FMNL2: variants seen among roughly 807,000 people sequenced by gnomAD.
The protein encoded by FMNL2 is formin-like protein 2.
FMNL2 carries 51 observed loss-of-function variants against 130.2 expected under a neutral mutation model. The observed-to-expected ratio is 0.39, with a 90% CI of 0.31 to 0.49. The LOEUF is 0.49. Ranked by LOEUF, FMNL2 falls within the 20% of genes least tolerant of loss-of-function variation. The pLI, the probability that FMNL2 is intolerant of heterozygous loss-of-function variation, is 0.85. For missense variants in FMNL2, 977 were observed against 1,316.2 expected (o/e 0.74, Z 3.99); for synonymous variants, 465 against 467.1 (o/e 1.00, Z 0.06).
chr2:152,627,204 C>T (rs557239197), intron 17 of FMNL2, among the ~76,000 whole-genome samples: 1 of 152,270 alleles, frequency 6.6e-6, no homozygotes, highest in South Asian at 2.1e-4. Flanking sequence ...ATGCCAGATG[C>T]AAATATGATA....
At chr2:152,417,119 T>C (rs1486192060) in intron 1 of FMNL2, among the ~76,000 whole-genome samples, 3 of 152,226 alleles carry the variant, frequency 2.0e-5, no homozygotes, top group African/African-American at 4.8e-5. Flanking sequence ...CTAGTCTCAT[T>C]AGGGAACACG....
chr2:152,487,986 C>T (rs1690930615), intron 1 of FMNL2, among the ~76,000 whole-genome samples: 1 of 152,074 alleles, frequency 6.6e-6, no homozygotes, highest in East Asian at 1.9e-4. Flanking sequence ...CGGGGTTTCA[C>T]CATGGCTGGT....
intron 16 of FMNL2, 75 bp from the exon 17 acceptor site, chr2:152,626,450 G>T: frequency 7.8e-7 from 1 of 1,287,920 alleles, no homozygotes; most frequent in Non-Finnish European, 1.1e-6. Context: ...TTTTGCTTAA[G>T]AAACTAACTG....
intron 1 of FMNL2, among the ~76,000 whole-genome samples, chr2:152,488,016 G>A (rs371565706): frequency 4.6e-5 from 7 of 152,234 alleles, no homozygotes; most frequent in African/African-American, 1.4e-4. Context: ...CTGACCTCAA[G>A]TGATACGCCC....
chr2:152,545,371 G>A (rs573900035), intron 3 of FMNL2, among the ~76,000 whole-genome samples: 9 of 152,026 alleles, frequency 5.9e-5, no homozygotes, highest in Admixed American at 2.0e-4. Flanking sequence ...TACTTGATTC[G>A]TTAATCTTTT....
At chr2:152,402,030 C>T (rs1371381688) in intron 1 of FMNL2, among the ~76,000 whole-genome samples, 1 of 151,462 alleles carries the variant, frequency 6.6e-6, no homozygotes, top group East Asian at 1.9e-4. Context: ...GCCTCAGCCT[C>T]CTGAGTAGCT....
At chr2:152,375,877 C>CTCTCTCTCTCTATATATA (rs796954245) in intron 1 of FMNL2, among the ~76,000 whole-genome samples, 75 of 112,466 alleles carry the variant, frequency 6.7e-4, no homozygotes, top group East Asian at 5.5e-3. Flanking sequence ...CTCTCTCTCT[C>CTCTCTCTCTCTATATATA]TATATATATA....
chr2:152,498,201 C>A (rs1260434495), intron 1 of FMNL2, among the ~76,000 whole-genome samples: 1 of 152,102 alleles, frequency 6.6e-6, no homozygotes, highest in Non-Finnish European at 1.5e-5. Context: ...CCCCAGAAAG[C>A]AGGAATCTTG....
At chr2:152,465,123 GAACTAC>G (rs1487896482) in intron 1 of FMNL2, among the ~76,000 whole-genome samples, 1 of 152,222 alleles carries the variant, frequency 6.6e-6, no homozygotes, top group African/African-American at 2.4e-5. Context: ...CGCAAGTAGT[GAACTAC>G]CAGCAAAGTC....
chr2:152,522,134 C>T, intron 2 of FMNL2, 108 bp downstream of exon 2: 1 of 909,576 alleles, frequency 1.1e-6, no homozygotes, highest in Non-Finnish European at 1.7e-6. Context: ...ATATTTGCTT[C>T]TGCGACAGAG....
intron 1 of FMNL2, among the ~76,000 whole-genome samples, chr2:152,453,167 A>G (rs1158556345): frequency 1.5e-5 from 2 of 131,982 alleles, no homozygotes; most frequent in East Asian, 2.7e-4. Context: ...GCACCAGTAC[A>G]CTCCAGCCAG....
At position 152,578,898 on chromosome 2, in the gene FMNL2, A is replaced by T; in HGVS notation, c.716A>T (p.Asn239Ile). ...CCATGTTAATTTTAGTATGGTTTCA[A>T]CATGGTCATGTCTCATCCACACGCT... The part of the protein sequence containing the change: ...RAIMNYQYGF[N>I]MVMSHPHAVN... Residue 239 changes from asparagine (N) to isoleucine (I), a missense_variant, in exon 8 of 26, where the codon AAC (asparagine) becomes ATC (isoleucine). By Grantham distance (149) the Asn-to-Ile change is moderately radical. Around this residue, in one of 4 missense-constraint regions of FMNL2, gnomAD observed 689 missense variants for 995.9 expected, o/e 0.69. Coordinates refer to ENST00000288670, the MANE Select transcript of FMNL2 (RefSeq NM_052905.4). The T allele has an allele frequency of 6.2e-7, 1 of 1,612,346 alleles. No individual in the cohort carries two copies. The highest frequency in any genetic ancestry group is 8.5e-7 in the Non-Finnish European group (1 of 1,179,180).
Position 152,647,781 on chromosome 2 carries a change from C to A in FMNL2, c.3170-15C>A. 6.2e-7 allele frequency: 1 copy of A among 1,612,726 alleles called. No homozygotes were observed. The highest frequency in any genetic ancestry group is 1.1e-5 in the South Asian group (1 of 91,054). On this transcript the variant is annotated splice_polypyrimidine_tract_variant and intron_variant, in intron 25 of 25. Coordinates refer to ENST00000288670, the MANE Select transcript of FMNL2 (RefSeq NM_052905.4). ...AAAGGTTGCTATTCTCTCACTGGCA[C>A]TCTCCCCTTTACAGATCTTAGAAAC...
intron 1 of FMNL2, among the ~76,000 whole-genome samples, chr2:152,369,227 C>T (rs1046770424): frequency 5.9e-5 from 9 of 152,224 alleles, no homozygotes; most frequent in African/African-American, 2.2e-4. Flanking sequence ...ATCATCTTGT[C>T]ACAGCAGGAG....
intron 1 of FMNL2, among the ~76,000 whole-genome samples, chr2:152,420,460 G>A (rs913121752): frequency 5.3e-5 from 8 of 152,182 alleles, no homozygotes; most frequent in African/African-American, 1.9e-4. Context: ...TTGGAAAGAA[G>A]CATCGGTTTC....
chr2:152,501,589 G>A (rs1691836395), intron 1 of FMNL2, among the ~76,000 whole-genome samples: 1 of 152,182 alleles, frequency 6.6e-6, no homozygotes, highest in African/African-American at 2.4e-5. Flanking sequence ...GGATGTCCAC[G>A]GTTTTGGGTG....
intron 1 of FMNL2, among the ~76,000 whole-genome samples, chr2:152,377,297 AC>A (rs1312662845): frequency 6.6e-6 from 1 of 152,216 alleles, no homozygotes; most frequent in Non-Finnish European, 1.5e-5. Flanking sequence ...TTGATTTTGG[AC>A]AAGACTTCCC....
chr2:152,382,582 G>C (rs766061042), intron 1 of FMNL2, among the ~76,000 whole-genome samples: 4 of 152,136 alleles, frequency 2.6e-5, no homozygotes, highest in Non-Finnish European at 4.4e-5. Context: ...TGCATTCTTA[G>C]GGCTCTTAAT....
intron 25 of FMNL2, chr2:152,645,319 T>C (rs1683455411): frequency 4.4e-6 from 2 of 455,040 alleles, no homozygotes; most frequent in Non-Finnish European, 7.7e-6. Context: ...CTTCTCATTC[T>C]CTTCCTCTGT....
Sources: allele counts gnomAD v4.1 joint callset (sites outside exome capture counted in the v4.1 genomes callset), GRCh38; gene constraint gnomAD v4.1.1; regional missense constraint gnomAD v4.1.1; transcripts MANE v1.5; gene names NCBI Gene and HGNC (gene_info 2026-07-23, HGNC 2026-07-21).